The following FAAP100 variants were observed in gnomAD, a reference collection of about 807,000 sequenced individuals.
FAAP100 encodes the protein FA core complex associated protein 100, also known as Fanconi anemia core complex-associated protein 100.
Under a neutral mutation model 65.8 loss-of-function variants are expected in FAAP100, and 46 were observed. The observed-to-expected ratio is 0.70, with a 90% CI of 0.55 to 0.89. The LOEUF (loss-of-function observed/expected upper bound fraction) is 0.89. Ranked by LOEUF, FAAP100 falls within the 40% of genes least tolerant of loss-of-function variation. The pLI, the probability that FAAP100 is intolerant of heterozygous loss-of-function variation, is 0.00. For missense variants in FAAP100, 1,165 were observed against 1,196.7 expected (o/e 0.97, Z 0.39); for synonymous variants, 663 against 555.1 (o/e 1.19, Z -2.73).
At position 81,549,368 on chromosome 17, in the gene FAAP100, G is replaced by T. The variant is rs759540998; in HGVS notation, c.1247-6C>A. 2 of 1,603,668 alleles carry T rather than the reference G, an allele frequency of 1.2e-6. No individual in the cohort carries two copies. Among genetic ancestry groups the T allele is most frequent in the Non-Finnish European group, 1.7e-6 (2 of 1,175,264 alleles). ...GGCCAGGAGCTTGGTGCCACCTGGT[G>T]ACAGACACACATGGGGCCTGGTCAG... On this transcript the variant is annotated splice_polypyrimidine_tract_variant and splice_region_variant and intron_variant, in intron 3 of 8. Transcript: ENST00000327787.
Position 81,550,863 on chromosome 17 carries a change from G to C in FAAP100, c.631C>G (p.Leu211Val), listed in dbSNP as rs760657919. 21 of 1,612,200 alleles carry C rather than the reference G, an allele frequency of 1.3e-5. No homozygotes were observed. Among genetic ancestry groups the C allele is most frequent in the Non-Finnish European group, 1.8e-5 (21 of 1,179,736 alleles). The stretch of plus-strand genomic sequence containing the variant: ...GTGAAGCCCCCGGAGCCCCCGAGGA[G>C]GTCGTGCGGGACCCTGGAGCCTGAT... ...SPSGSRVPHDLLGGSGGFTLE... is the reference protein window; with the variant it reads ...SPSGSRVPHDVLGGSGGFTLE... The change falls in exon 3 of 9, where the codon CTC (leucine) becomes GTC (valine). Residue 211 changes from leucine to valine, a missense_variant. By Grantham distance (32) the Leu-to-Val change is conservative. Coordinates refer to ENST00000327787, the MANE Select transcript of FAAP100 (RefSeq NM_025161.6).
In FAAP100 at chr17:81,550,294, G is replaced by A. The variant is rs1353776358; in HGVS notation, c.1200C>T (p.Asn400=). The A allele has an allele frequency of 7.4e-6, 12 of 1,611,928 alleles. No individual in the cohort carries two copies. In the Admixed American group the frequency reaches 1.0e-4, roughly 13 times the overall value. ...LPPMLCPASL[N]ICSVVSLSAS... ...CGGACAGCGAGACGACACTGCAGAT[G>A]TTCAGGCTGGCTGGGCACAGCATGG... The change falls in exon 3 of 9, where the codon AAC becomes AAT. Residue 400 remains asparagine (N), a synonymous_variant. Coordinates refer to ENST00000327787, the MANE Select transcript of FAAP100 (RefSeq NM_025161.6).
At chr17:81,543,917 C>A in intron 7 of FAAP100, 87 bp downstream of exon 7, 5 of 1,242,908 alleles carry the variant, frequency 4.0e-6, no homozygotes, top group Non-Finnish European at 5.7e-6. Context: ...GCCGCAGACC[C>A]CGTGGCCAGC....
intron 3 of FAAP100, 143 bp downstream of exon 3, chr17:81,550,105 A>T: frequency 2.5e-6 from 2 of 805,612 alleles, no homozygotes; most frequent in Admixed American, 2.8e-5. Context: ...GAGACAAGAG[A>T]GTTAACCACT....
chr17:81,551,654 G>T, intron 2 of FAAP100: 1 of 1,291,518 alleles, frequency 7.7e-7, no homozygotes, highest in South Asian at 2.3e-5. Flanking sequence ...TGTCTCACCA[G>T]ACAGCACCGG....
rs71675424 is a variant in FAAP100 at position 81,540,081 on chromosome 17, CG to C, written c.*737del. ...GGGGCTGGGGCTCAGGGCCCCCCCCCGGGCCACAGCGCCACCCTGAGTGGCC... is the reference window on the plus strand; with the variant it reads ...GGGGCTGGGGCTCAGGGCCCCCCCCCGGCCACAGCGCCACCCTGAGTGGCC... On this transcript the variant is annotated 3_prime_UTR_variant, in exon 9 of 9. Transcript: ENST00000327787. The C allele has an allele frequency of 0.62, 247,508 of 397,856 alleles. 78,081 individuals carry two copies. Among genetic ancestry groups the C allele is most frequent in the South Asian group, 0.7 (5,507 of 7,834 alleles). 24.6% of individuals were successfully genotyped at this position (397,856 alleles called of 1,614,324 possible). A position where few individuals can be genotyped will look rare whatever the true frequency, so the allele number is the denominator to read the frequency against.
At position 81,550,920 on chromosome 17, in the gene FAAP100, G is replaced by T. The variant is rs149308791; in HGVS notation, c.574C>A (p.His192Asn). The part of the protein sequence containing the change: ...AGVPGKPAAP[H>N]FLPVLCSVSP... ...ACAGAGCACAGCACTGGAAGGAAGT[G>T]GGGGGCTGCAGGCTTTCCTGGGACC... is the stretch of plus-strand genomic sequence containing the variant. Residue 192 changes from histidine to asparagine, a missense_variant, in exon 3 of 9, where the codon CAC becomes AAC. Physicochemically the swap from His to Asn is moderately conservative, Grantham distance 68. Transcript: ENST00000327787. 1.4e-5 allele frequency: 22 copies of T among 1,612,408 alleles called. No individual in the cohort carries two copies. The African/African-American group carries it at 2.3e-4, about 17-fold the overall frequency.
In FAAP100 at chr17:81,546,809, G is replaced by C. The variant is rs1378741679; in HGVS notation, c.2173+100C>G. The C allele has an allele frequency of 1.4e-4, 168 of 1,205,974 alleles. 2 individuals are homozygous for C. In the East Asian group the frequency reaches 4.6e-3, roughly 33 times the overall value. 74.7% of individuals were successfully genotyped at this position (1,205,974 alleles called of 1,614,324 possible). A position where few individuals can be genotyped will look rare whatever the true frequency, so the allele number is the denominator to read the frequency against. ...CTCGAGGCTGCAGTGAGCCATGATT[G>C]CACCACTGCACTCCAGCCTGGGCAA... is the stretch of plus-strand genomic sequence containing the variant. On this transcript the variant is annotated intron_variant, in intron 5 of 8. Coordinates refer to ENST00000327787, the MANE Select transcript of FAAP100 (RefSeq NM_025161.6).
chr17:81,541,289 C>G lies in FAAP100; in HGVS notation c.2514+20G>C, dbSNP rs761146292. 64 of 1,603,118 alleles carry G rather than the reference C, an allele frequency of 4.0e-5. No homozygotes were observed. In the South Asian group the frequency reaches 5.5e-4, roughly 14 times the overall value. ...TGGCTACCCAGGGGAAGGGGACTGC[C>G]CGGGGAACCGGGTGCTCACCTCGTG... is the stretch of plus-strand genomic sequence containing the variant. On this transcript the variant is annotated intron_variant, in intron 8 of 8. Coordinates refer to ENST00000327787, the MANE Select transcript of FAAP100 (RefSeq NM_025161.6).
rs776679890 is a variant in FAAP100, at chr17:81,550,928, G to A, written c.566C>T (p.Ala189Val). The A allele has an allele frequency of 3.3e-5, 54 of 1,612,222 alleles. No individual in the cohort carries two copies. The highest frequency in any genetic ancestry group is 4.5e-5 in the Non-Finnish European group (53 of 1,179,762). The change falls in exon 3 of 9, where the codon GCA becomes GTA. Residue 189 changes from alanine (A) to valine (V), a missense_variant. Physicochemically the swap from Ala to Val is moderately conservative, Grantham distance 64 (BLOSUM62 0). Transcript: ENST00000327787. ...CAGCACTGGAAGGAAGTGGGGGGCTGCAGGCTTTCCTGGGACCCCGGCTGG... is the reference window on the plus strand; with the variant it reads ...CAGCACTGGAAGGAAGTGGGGGGCTACAGGCTTTCCTGGGACCCCGGCTGG... ...TPPAGVPGKP[A>V]APHFLPVLCS...
Position 81,550,788 on chromosome 17 carries a change from G to C in FAAP100, c.706C>G (p.Leu236Val). ...GLLFGADATL[L>V]QSPVVLCGLP... ...CCACAGAGGACCACAGGTGACTGCA[G>C]GAGGGTGGCATCAGCTCCAAAGAGG... The change falls in exon 3 of 9, where the codon CTG becomes GTG. Residue 236 changes from leucine to valine, a missense_variant. By Grantham distance (32) the Leu-to-Val change is conservative. Coordinates refer to ENST00000327787, the MANE Select transcript of FAAP100 (RefSeq NM_025161.6). The C allele has an allele frequency of 6.2e-7, 1 of 1,612,782 alleles. No homozygotes were observed. Among genetic ancestry groups the C allele is most frequent in the African/African-American group, 1.3e-5 (1 of 75,078 alleles).
rs1403932231 is a variant in FAAP100, at chr17:81,547,077, GT to G, written c.2004del (p.Leu669SerfsTer51). On this transcript the variant is annotated frameshift_variant, in exon 5 of 9. Transcript: ENST00000327787. LOFTEE classifies it high-confidence loss of function. ...GCCACAGGGTCTCGGGTGGGGCCGA[GT>G]GGGGAGGGGGCCCGTGTGTGTGGCG... ...LAPPHTRAPSPLGPTRDPVAT... is the reference protein window; with the variant it reads ...LAPPHTRAPSXLGPTRDPVAT... The G allele has an allele frequency of 6.5e-7, 1 of 1,540,272 alleles. No individual in the cohort carries two copies. The highest frequency in any genetic ancestry group is 2.1e-5 in the Admixed American group (1 of 47,682).
upstream of FAAP100, among the ~76,000 whole-genome samples, chr17:81,552,573 C>G (rs950073978): frequency 6.6e-6 from 1 of 152,170 alleles, no homozygotes; most frequent in Non-Finnish European, 1.5e-5. Context: ...GAGGTTGACC[C>G]GGCCGGGCTG....
chr17:81,541,375 G>T lies in FAAP100; in HGVS notation c.2448C>A (p.Ala816=). ...GRMQTMVTEQ[A]TQGSSAPDLR... is the part of the protein sequence containing the mutation. The stretch of plus-strand genomic sequence containing the variant: ...GATCAGGAGCGCTGGAGCCCTGGGT[G>T]GCCTGCTCTGTCACCATCGTCTGGG... The change falls in exon 8 of 9, where the codon GCC becomes GCA. Residue 816 remains alanine, a synonymous_variant. Coordinates refer to ENST00000327787, the MANE Select transcript of FAAP100 (RefSeq NM_025161.6). 2 of 1,610,116 alleles carry T rather than the reference G, an allele frequency of 1.2e-6. No homozygotes were observed. Among genetic ancestry groups the T allele is most frequent in the Non-Finnish European group, 1.7e-6 (2 of 1,179,034 alleles).
intron 6 of FAAP100, among the ~76,000 whole-genome samples, chr17:81,544,775 C>G (rs2143940096): frequency 6.6e-6 from 1 of 152,374 alleles, no homozygotes; most frequent in Non-Finnish European, 1.5e-5. Flanking sequence ...CAGGGGCCGC[C>G]AGCACCGACC....
upstream of FAAP100, chr17:81,552,464 A>C: frequency 1.2e-6 from 1 of 854,936 alleles, no homozygotes; most frequent in Non-Finnish European, 1.6e-6. Context: ...GGCGGGCCGG[A>C]AAGGACGCGC....
intron 7 of FAAP100, 86 bp downstream of exon 7, chr17:81,543,918 C>A: frequency 1.6e-6 from 2 of 1,259,150 alleles, no homozygotes; most frequent in Non-Finnish European, 2.3e-6. Flanking sequence ...CCGCAGACCC[C>A]GTGGCCAGCA....
chr17:81,552,404 A>G (rs1422238029), upstream of FAAP100: 1 of 1,249,982 alleles, frequency 8.0e-7, no homozygotes. Context: ...GCTTTACGGC[A>G]GCCCGCTGTG....
At position 81,540,575 on chromosome 17, in the gene FAAP100, A is replaced by C; in HGVS notation, c.*244T>G. ...CCGCGGTCAGAGAAGGAGAGACACC[A>C]GCAGAGGACGCGAAGCTGGACCGGC... On this transcript the variant is annotated 3_prime_UTR_variant, in exon 9 of 9. Transcript: ENST00000327787. 1 of 478,884 alleles carries C rather than the reference A, an allele frequency of 2.1e-6. No individual in the cohort carries two copies. Among genetic ancestry groups the C allele is most frequent in the Non-Finnish European group, 3.6e-6 (1 of 278,608 alleles). The allele number at this position is 478,884 out of a possible 1,614,324, so 29.7% of individuals were successfully genotyped here.
Sources: allele counts gnomAD v4.1 joint callset (sites outside exome capture counted in the v4.1 genomes callset), GRCh38; gene constraint gnomAD v4.1.1; transcripts MANE v1.5; gene names NCBI Gene and HGNC (gene_info 2026-07-23, HGNC 2026-07-21).